The following FHIT variants were observed in gnomAD, a reference collection of about 807,000 sequenced individuals.
FHIT encodes the protein fragile histidine triad diadenosine triphosphatase, also known as bis(5'-adenosyl)-triphosphatase.
FHIT carries 19 observed loss-of-function variants against 17.9 expected under a neutral mutation model. The observed-to-expected ratio is 1.06, with a 90% CI of 0.74 to 1.56. The LOEUF is 1.56. Among genes scored for constraint, FHIT ranks in the 40% most tolerant of loss-of-function variants. FHIT has a pLI of 0.00. For missense variants in FHIT, 248 were observed against 189.2 expected, an observed-to-expected ratio of 1.31 and a Z score of -1.82; for synonymous variants, 81 against 69.7, an observed-to-expected ratio of 1.16 and a Z score of -0.81.
At chr3:60,279,963 C>T (rs556048214) in intron 5 of FHIT, among the ~76,000 whole-genome samples, 1 of 147,626 alleles carries the variant, frequency 6.8e-6, no homozygotes, top group Non-Finnish European at 1.5e-5. Context: ...ACCTGGGAGG[C>T]GGAGCTTGCA....
At chr3:61,101,621 T>C (rs1327940180) in intron 2 of FHIT, among the ~76,000 whole-genome samples, 7 of 152,216 alleles carry the variant, frequency 4.6e-5, no homozygotes, top group Non-Finnish European at 8.8e-5. Flanking sequence ...GGGGATGGCA[T>C]TGAATCTATA....
chr3:60,058,754 T>C (rs1204596818), intron 5 of FHIT, among the ~76,000 whole-genome samples: 1 of 152,130 alleles, frequency 6.6e-6, no homozygotes, highest in Non-Finnish European at 1.5e-5. Context: ...TTAAGAAAGA[T>C]TATGAGGATG....
chr3:60,448,689 T>C (rs993358711), intron 5 of FHIT, among the ~76,000 whole-genome samples: 1 of 152,184 alleles, frequency 6.6e-6, no homozygotes, highest in Non-Finnish European at 1.5e-5. Flanking sequence ...TCATTTTCCC[T>C]GCACTTTAAG....
Position 60,363,613 on chromosome 3 carries a change from A to G in FHIT, c.103+173247T>C, listed in dbSNP as rs151305119. ...CAGCTAGAAAATAAGTGGTAGCTAG[A>G]ACTTGAGCCCACTGAATTTTAATGG... On this transcript the variant is annotated intron_variant, in intron 5 of 9. Transcript: ENST00000492590. Among the ~76,000 whole-genome samples, 1,201 of 152,168 alleles carry G rather than the reference A, an allele frequency of 7.9e-3. 11 individuals are homozygous for G. The highest frequency in any genetic ancestry group is 0.017 in the Middle Eastern group (5 of 294).
chr3:60,089,966 A>G (rs1024753618), intron 5 of FHIT, among the ~76,000 whole-genome samples: 1 of 152,216 alleles, frequency 6.6e-6, no homozygotes, highest in Non-Finnish European at 1.5e-5. Context: ...AACAACAACA[A>G]TAACAACAGC....
chr3:61,100,873 T>G (rs1405081665), intron 2 of FHIT, among the ~76,000 whole-genome samples: 1 of 152,244 alleles, frequency 6.6e-6, no homozygotes, highest in Non-Finnish European at 1.5e-5. Flanking sequence ...GAGAAGTGTC[T>G]GTTCATATCC....
intron 5 of FHIT, among the ~76,000 whole-genome samples, chr3:60,112,113 T>C (rs540191607): frequency 2.0e-4 from 31 of 152,346 alleles, no homozygotes; most frequent in African/African-American, 7.0e-4. Context: ...AATGTGTCAG[T>C]TGGGTTCAAG....
At chr3:60,890,855 A>G (rs1705479703) in intron 3 of FHIT, among the ~76,000 whole-genome samples, 1 of 152,152 alleles carries the variant, frequency 6.6e-6, no homozygotes, top group South Asian at 2.1e-4. Context: ...GGAGCCTCCC[A>G]GGGTTAAAGA....
At chr3:60,823,565 T>A (rs1479987215) in intron 3 of FHIT, among the ~76,000 whole-genome samples, 1 of 152,114 alleles carries the variant, frequency 6.6e-6, no homozygotes, top group Non-Finnish European at 1.5e-5. Context: ...AGCCAAGGAT[T>A]GCCAGCAAAT....
chr3:59,796,015 C>T (rs898039336), intron 8 of FHIT, among the ~76,000 whole-genome samples: 1 of 152,094 alleles, frequency 6.6e-6, no homozygotes, highest in Non-Finnish European at 1.5e-5. Context: ...GGATAGGTTT[C>T]CATGGCTATA....
chr3:61,085,064 C>A (rs1408174146), intron 2 of FHIT, among the ~76,000 whole-genome samples: 1 of 152,076 alleles, frequency 6.6e-6, no homozygotes, highest in African/African-American at 2.4e-5. Flanking sequence ...TTGATAGATA[C>A]CTAGATTGCT....
intron 4 of FHIT, among the ~76,000 whole-genome samples, chr3:60,648,587 G>T (rs541178103): frequency 1.3e-5 from 2 of 152,150 alleles, no homozygotes; most frequent in African/African-American, 4.8e-5. Context: ...AAACAGGAAG[G>T]GGGGCACTTA....
intron 5 of FHIT, among the ~76,000 whole-genome samples, chr3:60,265,112 GAA>G (rs1251149315): frequency 3.3e-5 from 5 of 151,726 alleles, no homozygotes. Flanking sequence ...TCCTTTCAAT[GAA>G]AAGTCTACAT....
intron 4 of FHIT, among the ~76,000 whole-genome samples, chr3:60,670,686 A>T (rs1418999974): frequency 6.6e-6 from 1 of 152,194 alleles, no homozygotes; most frequent in African/African-American, 2.4e-5. Flanking sequence ...AACACATTAG[A>T]TGTAACCTCT....
At chr3:60,588,847 C>T (rs537823035) in intron 4 of FHIT, among the ~76,000 whole-genome samples, 3 of 152,026 alleles carry the variant, frequency 2.0e-5, no homozygotes, top group East Asian at 3.9e-4. Context: ...ATTCACCTTA[C>T]CCTAAGAAGT....
chr3:60,217,169 T>C (rs1703733911), intron 5 of FHIT, among the ~76,000 whole-genome samples: 1 of 152,172 alleles, frequency 6.6e-6, no homozygotes, highest in African/African-American at 2.4e-5. Context: ...GAATACACAA[T>C]TACAAGCTTC....
chr3:60,964,283 T>C (rs868992606), intron 3 of FHIT, among the ~76,000 whole-genome samples: 33 of 152,198 alleles, frequency 2.2e-4, no homozygotes, highest in South Asian at 8.3e-4. Flanking sequence ...TCCATTTGCT[T>C]GGTAGATCTT....
At chr3:60,998,826 T>G (rs2030857100) in intron 3 of FHIT, among the ~76,000 whole-genome samples, 2 of 152,004 alleles carry the variant, frequency 1.3e-5, no homozygotes, top group Admixed American at 1.3e-4. Flanking sequence ...TAGTAACTTT[T>G]TTTAAAAAGA....
chr3:60,155,926 G>A lies in FHIT; in HGVS notation c.104-141774C>T, dbSNP rs373715239. Among the ~76,000 whole-genome samples the A allele has an allele frequency of 2.0e-5, 3 of 152,236 alleles. No individual in the cohort carries two copies. The East Asian group carries it at 5.8e-4, about 29-fold the overall frequency. On this transcript the variant is annotated intron_variant, in intron 5 of 9. Coordinates refer to ENST00000492590, the MANE Select transcript of FHIT (RefSeq NM_002012.4). ...TACTTATTGCCAAGAGACATAAAGC[G>A]TGCAAAAGCCACACACTTCTCCTTC... is the stretch of plus-strand genomic sequence containing the variant.
Sources: allele counts gnomAD v4.1 joint callset (sites outside exome capture counted in the v4.1 genomes callset), GRCh38; gene constraint gnomAD v4.1.1; transcripts MANE v1.5; gene names NCBI Gene and HGNC (gene_info 2026-07-23, HGNC 2026-07-21).